The following FAM171A1 variants were observed in gnomAD, a reference collection of about 807,000 sequenced individuals.
FAM171A1 encodes the protein family with sequence similarity 171 member A1.
Under a neutral mutation model 74.9 loss-of-function variants are expected in FAM171A1, and 23 were observed. The ratio of observed to expected loss-of-function variants is 0.31; its 90% CI spans 0.22 to 0.44. The LOEUF (loss-of-function observed/expected upper bound fraction) is 0.44. Among genes scored for constraint, FAM171A1 ranks in the 20% least tolerant of loss-of-function variants. The pLI is 1.00. For synonymous variants in FAM171A1, 527 were observed against 505.7 expected, an observed-to-expected ratio of 1.04 and a Z score of -0.57; for missense variants, 1,162 against 1,159.2, an observed-to-expected ratio of 1.00 and a Z score of -0.03.
intron 1 of FAM171A1, among the ~76,000 whole-genome samples, chr10:15,359,457 T>C (rs1254762835): frequency 6.6e-6 from 1 of 152,042 alleles, no homozygotes; most frequent in African/African-American, 2.4e-5. Context: ...TTTTCCTCCT[T>C]CTCAACATCC....
At chr10:15,309,998 T>C (rs779836503) in intron 1 of FAM171A1, among the ~76,000 whole-genome samples, 2 of 152,190 alleles carry the variant, frequency 1.3e-5, no homozygotes, top group Admixed American at 1.3e-4. Context: ...GAGCAACAAA[T>C]ACAAGTTGTC....
At chr10:15,266,541 G>A (rs1834743723) in intron 3 of FAM171A1, among the ~76,000 whole-genome samples, 1 of 151,988 alleles carries the variant, frequency 6.6e-6, no homozygotes. Flanking sequence ...AACTGAGGTA[G>A]ACCAGAACAC....
chr10:15,252,830 C>T (rs951357546), intron 4 of FAM171A1, among the ~76,000 whole-genome samples: 7 of 152,102 alleles, frequency 4.6e-5, no homozygotes, highest in East Asian at 1.9e-4. Context: ...TCTTAGTGTT[C>T]GTTTTCCCCC....
chr10:15,330,796 T>G (rs1161562232), intron 1 of FAM171A1, among the ~76,000 whole-genome samples: 11 of 144,284 alleles, frequency 7.6e-5, no homozygotes, highest in Admixed American at 1.5e-4. Flanking sequence ...TGGCTCACTG[T>G]AACCTCCACC....
intron 1 of FAM171A1, among the ~76,000 whole-genome samples, chr10:15,300,120 C>T (rs558174814): frequency 2.7e-4 from 41 of 152,222 alleles, no homozygotes; most frequent in South Asian, 1.0e-3. Flanking sequence ...TTAGTCAGTG[C>T]GGTGCTTAAA....
intron 2 of FAM171A1, 133 bp from the exon 3 acceptor site, chr10:15,276,080 A>G (rs1392879682): frequency 1.7e-6 from 1 of 589,150 alleles, no homozygotes; most frequent in Non-Finnish European, 3.0e-6. Flanking sequence ...TTTTAGTTAG[A>G]TTAGCAAAAG....
chr10:15,369,851 T>C (rs1403299038), intron 1 of FAM171A1, among the ~76,000 whole-genome samples: 2 of 152,336 alleles, frequency 1.3e-5, no homozygotes, highest in Middle Eastern at 3.4e-3. Context: ...ACACACACCC[T>C]TCTGAGGGGA....
intron 5 of FAM171A1, among the ~76,000 whole-genome samples, chr10:15,228,104 G>GC (rs1488206468): frequency 6.6e-6 from 1 of 152,084 alleles, no homozygotes; most frequent in African/African-American, 2.4e-5. Flanking sequence ...TTTGAATATG[G>GC]CCTAAGGAGA....
chr10:15,234,176 ATCT>A, intron 5 of FAM171A1, among the ~76,000 whole-genome samples: 1 of 152,320 alleles, frequency 6.6e-6, no homozygotes, highest in African/African-American at 2.4e-5. Flanking sequence ...CAAAGTGTTG[ATCT>A]TCTTTTAAAA....
chr10:15,358,456 C>T (rs1835958167), intron 1 of FAM171A1, among the ~76,000 whole-genome samples: 1 of 152,150 alleles, frequency 6.6e-6, no homozygotes, highest in African/African-American at 2.4e-5. Flanking sequence ...TACACGTAAC[C>T]TCATCTTTCC....
chr10:15,262,064 A>G (rs951990927), intron 3 of FAM171A1, among the ~76,000 whole-genome samples: 1 of 152,196 alleles, frequency 6.6e-6, no homozygotes, highest in Non-Finnish European at 1.5e-5. Flanking sequence ...ACGGTGAGTT[A>G]TGATTGCACT....
rs199857203 is a variant in FAM171A1 at position 15,213,753 on chromosome 10, T to C, written c.1835A>G (p.Glu612Gly). The C allele has an allele frequency of 6.2e-7, 1 of 1,614,002 alleles. No individual in the cohort carries two copies. Among genetic ancestry groups the C allele is most frequent in the Non-Finnish European group, 8.5e-7 (1 of 1,179,932 alleles). ...ATTGGACAGCTCAGCCTGTAGTCTT[T>C]CTATCTCAAGCTGCTGATCAGCCGG... is the stretch of plus-strand genomic sequence containing the variant. ...VVPADQQLEI[E>G]RLQAELSNPH... The change falls in exon 8 of 8, where the codon GAA becomes GGA. Residue 612 changes from glutamate to glycine, a missense_variant. By Grantham distance (98) the Glu-to-Gly change is moderately conservative. Transcript: ENST00000378116. This position sits in a 1 kb window ranked among gnomAD's most constrained non-coding sequence, Gnocchi z 6.8.
At chr10:15,222,688 G>C (rs956222306) in intron 5 of FAM171A1, among the ~76,000 whole-genome samples, 1 of 152,144 alleles carries the variant, frequency 6.6e-6, no homozygotes, top group Admixed American at 6.5e-5. Context: ...GGGTTGCTTC[G>C]AGGCCTTATC....
intron 1 of FAM171A1, among the ~76,000 whole-genome samples, chr10:15,289,848 T>C (rs1835082063): frequency 6.6e-6 from 1 of 152,228 alleles, no homozygotes; most frequent in African/African-American, 2.4e-5. Context: ...ATCATTTGCA[T>C]GGGCTGGTTT....
intron 1 of FAM171A1, among the ~76,000 whole-genome samples, chr10:15,338,507 T>C (rs2131867428): frequency 6.6e-6 from 1 of 152,318 alleles, no homozygotes; most frequent in East Asian, 1.9e-4. Flanking sequence ...GATAAATAAA[T>C]TCATGATACA....
chr10:15,339,567 T>C (rs896410635), intron 1 of FAM171A1, among the ~76,000 whole-genome samples: 2 of 152,198 alleles, frequency 1.3e-5, no homozygotes, highest in African/African-American at 4.8e-5. Flanking sequence ...TGAAGTGTCA[T>C]TCTCATGACA....
chr10:15,259,120 C>T (rs1337618564), intron 3 of FAM171A1, among the ~76,000 whole-genome samples: 1 of 152,174 alleles, frequency 6.6e-6, no homozygotes, highest in Non-Finnish European at 1.5e-5. Context: ...TCACCATCAT[C>T]ATTCTCCCTA....
chr10:15,307,813 C>CT (rs35420554), intron 1 of FAM171A1, among the ~76,000 whole-genome samples: 41,476 of 142,486 alleles, frequency 0.29, 6,323 homozygotes, highest in African/African-American at 0.41. Context: ...GAATTAATGC[C>CT]TTTTTTTTTT....
intron 5 of FAM171A1, among the ~76,000 whole-genome samples, chr10:15,235,175 G>A (rs1588503887): frequency 6.6e-6 from 1 of 151,846 alleles, no homozygotes; most frequent in Non-Finnish European, 1.5e-5. Context: ...CTGGGCAGGC[G>A]CCTACAATAC....
Sources: gnomAD v4.1 joint callset for allele counts (sites outside exome capture counted in the v4.1 genomes callset) on GRCh38, gnomAD v4.1.1 for gene constraint, Gnocchi (gnomAD v3.1) non-coding constraint, MANE v1.5 for transcripts, NCBI Gene and HGNC (gene_info 2026-07-23, HGNC 2026-07-21) for gene names.